The following SLC5A4 variants were observed in gnomAD, a reference collection of about 807,000 sequenced individuals.
SLC5A4 encodes probable glucose sensor protein SLC5A4.
A neutral mutation model predicts 70.3 loss-of-function variants in SLC5A4; 55 were observed. That is an observed-to-expected ratio of 0.78 (90% CI 0.63 to 0.98). The LOEUF (loss-of-function observed/expected upper bound fraction) is 0.98. Ranked by LOEUF, SLC5A4 falls within the 50% of genes least tolerant of loss-of-function variation. The pLI is 0.00. For synonymous variants in SLC5A4, 268 were observed against 305.7 expected (o/e 0.88, Z 1.29); for missense variants, 735 against 839.2 (o/e 0.88, Z 1.53).
intron 5 of SLC5A4, among the ~76,000 whole-genome samples, chr22:32,246,018 G>A (rs574194472): frequency 1.4e-4 from 22 of 152,300 alleles, no homozygotes; most frequent in African/African-American, 4.6e-4. Context: ...GACCCCCAAT[G>A]CCATCCATCA....
At chr22:32,292,004 C>A in the SLC5A4 span, among the ~76,000 whole-genome samples, 1 of 144,380 alleles carries the variant, frequency 6.9e-6, no homozygotes, top group Non-Finnish European at 1.5e-5. Flanking sequence ...TCCTGAGAAG[C>A]TGAGATTACA....
chr22:32,300,732 T>C, the SLC5A4 span, among the ~76,000 whole-genome samples: 3 of 152,192 alleles, frequency 2.0e-5, no homozygotes, highest in African/African-American at 7.2e-5. Flanking sequence ...CATGTATCAA[T>C]AGTTACTTTT....
the SLC5A4 span, chr22:32,272,047 G>A: frequency 7.8e-6 from 5 of 640,470 alleles, no homozygotes; most frequent in African/African-American, 1.8e-5. Context: ...CTAGTCTGCT[G>A]GGAGGCTATT....
rs1322651149 is a variant in SLC5A4, at chr22:32,218,821, T to G, written c.1769-96A>C. 5 of 830,126 alleles carry G rather than the reference T, an allele frequency of 6.0e-6. No homozygotes were observed. In the African/African-American group the frequency reaches 8.6e-5, roughly 14 times the overall value. The allele number at this position is 830,126 out of a possible 1,614,324, so 51.4% of individuals were successfully genotyped here. A position where few individuals can be genotyped will look rare whatever the true frequency, so the allele number is the denominator to read the frequency against. ...AGTACCTATGACTGTAAAAAATGAT[T>G]ACAATCAGCTGGGAGTGTTAAGAGG... On this transcript the variant is annotated intron_variant, in intron 14 of 14. Coordinates refer to ENST00000266086, the MANE Select transcript of SLC5A4 (RefSeq NM_014227.3).
the SLC5A4 span, among the ~76,000 whole-genome samples, chr22:32,279,496 A>G: frequency 4.1e-4 from 63 of 152,038 alleles, no homozygotes; most frequent in Non-Finnish European, 7.9e-4. Flanking sequence ...ACACAAAAAA[A>G]ATGTTAGTGT....
At chr22:32,239,540 A>ATT (rs1926291348) in intron 5 of SLC5A4, among the ~76,000 whole-genome samples, 1 of 12,926 alleles carries the variant, frequency 7.7e-5, no homozygotes, top group Non-Finnish European at 1.3e-4. Flanking sequence ...ATATATATAT[A>ATT]TATATATATA....
chr22:32,297,443 A>T, the SLC5A4 span, among the ~76,000 whole-genome samples: 1 of 147,326 alleles, frequency 6.8e-6, no homozygotes, highest in Non-Finnish European at 1.5e-5. Flanking sequence ...ATTTGCATAG[A>T]GGTGTTTGTA....
intron 11 of SLC5A4, among the ~76,000 whole-genome samples, chr22:32,227,534 G>T (rs773732259): frequency 6.6e-6 from 1 of 152,210 alleles, no homozygotes; most frequent in African/African-American, 2.4e-5. Flanking sequence ...TTTGAAAAGA[G>T]TAGACAAATT....
the SLC5A4 span, among the ~76,000 whole-genome samples, chr22:32,348,959 AGTTTAGACAAAACTCTTTGTTGTT>A: frequency 2.0e-5 from 3 of 152,174 alleles, no homozygotes; most frequent in Non-Finnish European, 4.4e-5. Context: ...AAAATTTCTA[AGTTTAGACAAAACTCTTTGTTGTT>A]GTTGTTTTTT....
At chr22:32,306,585 G>A in the SLC5A4 span, among the ~76,000 whole-genome samples, 1 of 152,114 alleles carries the variant, frequency 6.6e-6, no homozygotes, top group African/African-American at 2.4e-5. Flanking sequence ...CTGGTTATCA[G>A]CTCTCAGAGA....
the SLC5A4 span, among the ~76,000 whole-genome samples, chr22:32,265,268 G>A: frequency 3.9e-5 from 6 of 152,148 alleles, no homozygotes; most frequent in African/African-American, 2.4e-5. Flanking sequence ...CACACTGGTA[G>A]TCCCAGCTAC....
chr22:32,315,313 A>G, the SLC5A4 span, among the ~76,000 whole-genome samples: 1 of 152,118 alleles, frequency 6.6e-6, no homozygotes, highest in South Asian at 2.1e-4. Flanking sequence ...AAAAAGTAGG[A>G]GGGGTGGAGG....
intron 10 of SLC5A4, 63 bp from the exon 11 acceptor site, chr22:32,229,407 A>G: frequency 1.9e-6 from 3 of 1,550,120 alleles, no homozygotes; most frequent in Non-Finnish European, 2.6e-6. Context: ...TAAACCAGAG[A>G]GGGTTGAAAG....
the SLC5A4 span, among the ~76,000 whole-genome samples, chr22:32,334,407 T>TC: frequency 6.6e-6 from 1 of 152,012 alleles, no homozygotes; most frequent in Admixed American, 6.6e-5. Context: ...AGTGTGCCCC[T>TC]CCAACATCCA....
the SLC5A4 span, among the ~76,000 whole-genome samples, chr22:32,350,095 G>C: frequency 6.6e-6 from 1 of 152,060 alleles, no homozygotes; most frequent in African/African-American, 2.4e-5. Context: ...GGAAAACAGA[G>C]GCTCCTCCTA....
chr22:32,350,101 T>TC, the SLC5A4 span, among the ~76,000 whole-genome samples: 1 of 152,200 alleles, frequency 6.6e-6, no homozygotes, highest in Non-Finnish European at 1.5e-5. Flanking sequence ...CAGAGGCTCC[T>TC]CCTAAAATGG....
the SLC5A4 span, among the ~76,000 whole-genome samples, chr22:32,305,285 C>T: frequency 6.6e-6 from 1 of 151,968 alleles, no homozygotes; most frequent in Non-Finnish European, 1.5e-5. Context: ...TGTGTGAAGA[C>T]ACGTGTCTGA....
the SLC5A4 span, among the ~76,000 whole-genome samples, chr22:32,306,492 T>C: frequency 1.3e-5 from 2 of 149,570 alleles, no homozygotes; most frequent in African/African-American, 5.0e-5. Flanking sequence ...AACTACTGTA[T>C]ATAAAGACAA....
the SLC5A4 span, among the ~76,000 whole-genome samples, chr22:32,335,874 G>A: frequency 6.6e-6 from 1 of 152,194 alleles, no homozygotes; most frequent in East Asian, 1.9e-4. Flanking sequence ...CTTAGGAGGA[G>A]CAGGGAGCGA....
Sources: gnomAD v4.1 joint callset for allele counts (sites outside exome capture counted in the v4.1 genomes callset) on GRCh38, gnomAD v4.1.1 for gene constraint, MANE v1.5 for transcripts, NCBI Gene and HGNC (gene_info 2026-07-23, HGNC 2026-07-21) for gene names.